Variants in TCF12 observed in about 807,000 individuals in gnomAD.
TCF12 encodes transcription factor 12, also known as DNA-binding protein HTF4.
A neutral mutation model predicts 86.0 loss-of-function variants in TCF12; 45 were observed. The observed-to-expected ratio is 0.52, with a 90% confidence interval of 0.41 to 0.67. The LOEUF (loss-of-function observed/expected upper bound fraction) is 0.67, where lower values mean the gene tolerates loss of function less well. Ranked by LOEUF, TCF12 falls within the 30% of genes least tolerant of loss-of-function variation. The probability of loss-of-function intolerance (pLI) is 0.00; values close to 1 mark genes in which losing one functional copy is unlikely to be tolerated. For missense variants in TCF12, 881 were observed against 859.9 expected (o/e 1.02, Z -0.31); for synonymous variants, 330 against 299.6 (o/e 1.10, Z -1.05).
At chr15:57,220,211 G>A (rs1328980889) in intron 8 of TCF12, among the ~76,000 whole-genome samples, 2 of 151,980 alleles carry the variant, frequency 1.3e-5, no homozygotes, top group Non-Finnish European at 2.9e-5. Flanking sequence ...TTATGTTTTC[G>A]TATATTGTGA....
chr15:57,121,195 G>T (rs543905014), intron 5 of TCF12, among the ~76,000 whole-genome samples: 1 of 152,294 alleles, frequency 6.6e-6, no homozygotes, highest in African/African-American at 2.4e-5. Context: ...AGAAACTGAG[G>T]TTCTTTCGCT....
intron 5 of TCF12, among the ~76,000 whole-genome samples, chr15:57,121,637 G>A (rs1487988149): frequency 6.6e-6 from 1 of 152,138 alleles, no homozygotes; most frequent in Non-Finnish European, 1.5e-5. Context: ...CTCAGAGGAG[G>A]CAGCAATAAA....
At chr15:57,199,070 A>G (rs2057408156) in intron 8 of TCF12, among the ~76,000 whole-genome samples, 1 of 152,168 alleles carries the variant, frequency 6.6e-6, no homozygotes, top group Admixed American at 6.5e-5. Flanking sequence ...CCTGCAGCCT[A>G]CCTGGAAGGT....
chr15:56,927,624 T>C (rs770722862), intron 3 of TCF12, among the ~76,000 whole-genome samples: 4 of 152,244 alleles, frequency 2.6e-5, no homozygotes, highest in African/African-American at 4.8e-5. Context: ...CTTTTTGATA[T>C]GATAAATAAT....
At chr15:56,990,032 T>A (rs1205334765) in intron 3 of TCF12, among the ~76,000 whole-genome samples, 1 of 152,204 alleles carries the variant, frequency 6.6e-6, no homozygotes, top group Non-Finnish European at 1.5e-5. Context: ...ATGAAATGTC[T>A]TACTTTTTCT....
chr15:56,943,660 G>GC (rs2060876730), intron 3 of TCF12, among the ~76,000 whole-genome samples: 1 of 152,178 alleles, frequency 6.6e-6, no homozygotes, highest in African/African-American at 2.4e-5. Context: ...AAATAATGCA[G>GC]CAATAGCTAG....
At chr15:57,250,504 G>A (rs999047701) in intron 13 of TCF12, among the ~76,000 whole-genome samples, 1 of 152,146 alleles carries the variant, frequency 6.6e-6, no homozygotes, top group African/African-American at 2.4e-5. Flanking sequence ...TGAGGCGGGT[G>A]GATCACTTAA....
At chr15:57,176,769 G>A (rs752593992) in intron 6 of TCF12, among the ~76,000 whole-genome samples, 6 of 152,150 alleles carry the variant, frequency 3.9e-5, no homozygotes, top group African/African-American at 9.7e-5. Context: ...TGGAAAAAAG[G>A]TCAAGATATT....
intron 13 of TCF12, chr15:57,248,219 A>T: frequency 4.7e-6 from 3 of 642,872 alleles, no homozygotes; most frequent in Non-Finnish European, 8.3e-6. Context: ...TGCAAGAGAA[A>T]TGGTGCCACC....
chr15:56,999,267 A>C (rs1168008287), intron 3 of TCF12, among the ~76,000 whole-genome samples: 1 of 152,082 alleles, frequency 6.6e-6, no homozygotes, highest in African/African-American at 2.4e-5. Context: ...GTAACAGGAG[A>C]ATCAATGAAT....
intron 3 of TCF12, among the ~76,000 whole-genome samples, chr15:57,020,995 A>G (rs536721616): frequency 1.6e-4 from 24 of 152,156 alleles, no homozygotes; most frequent in Non-Finnish European, 2.5e-4. Context: ...TTTAGACTTT[A>G]TGTATGTTAT....
intron 3 of TCF12, chr15:57,001,426 A>T (rs1315853427): frequency 5.6e-6 from 1 of 178,408 alleles, no homozygotes; most frequent in African/African-American, 2.4e-5. Flanking sequence ...TACTTACACC[A>T]CATTATTTTA....
chr15:56,938,912 T>TG (rs767191845), intron 3 of TCF12, among the ~76,000 whole-genome samples: 2 of 152,200 alleles, frequency 1.3e-5, no homozygotes, highest in Non-Finnish European at 2.9e-5. Flanking sequence ...TGTTCCCTGC[T>TG]GGGTATCAAA....
At chr15:56,960,542 A>C (rs567235297) in intron 3 of TCF12, among the ~76,000 whole-genome samples, 1 of 148,674 alleles carries the variant, frequency 6.7e-6, no homozygotes, top group East Asian at 2.0e-4. Context: ...TGATTCTCCC[A>C]CCTCAGCCTC....
At chr15:57,167,750 A>G (rs1231107219) in intron 6 of TCF12, among the ~76,000 whole-genome samples, 2 of 152,216 alleles carry the variant, frequency 1.3e-5, no homozygotes, top group Non-Finnish European at 2.9e-5. Context: ...TTACTGGACC[A>G]ACACTCAGAT....
At chr15:56,998,048 C>T (rs984867611) in intron 3 of TCF12, among the ~76,000 whole-genome samples, 1 of 152,056 alleles carries the variant, frequency 6.6e-6, no homozygotes, top group Non-Finnish European at 1.5e-5. Context: ...ATAGATGAAG[C>T]AAAATCTGAT....
At chr15:57,147,370 CT>C (rs1390709821) in intron 5 of TCF12, among the ~76,000 whole-genome samples, 1 of 152,046 alleles carries the variant, frequency 6.6e-6, no homozygotes, top group Admixed American at 6.6e-5. Flanking sequence ...TGTAAGATAT[CT>C]TTTGGGAACT....
intron 5 of TCF12, among the ~76,000 whole-genome samples, chr15:57,095,785 G>C (rs1165244363): frequency 2.6e-5 from 4 of 151,974 alleles, no homozygotes; most frequent in African/African-American, 9.7e-5. Flanking sequence ...TTTCTGATAG[G>C]GTAATGCTGG....
At chr15:57,204,172 G>A (rs1597294284) in intron 8 of TCF12, among the ~76,000 whole-genome samples, 1 of 152,246 alleles carries the variant, frequency 6.6e-6, no homozygotes, top group East Asian at 1.9e-4. Context: ...AGGCATAGTG[G>A]CTCACGTAAT....
Sources: allele counts gnomAD v4.1 joint callset (sites outside exome capture counted in the v4.1 genomes callset), GRCh38; gene constraint gnomAD v4.1.1; transcripts MANE v1.5; gene names NCBI Gene and HGNC (gene_info 2026-07-23, HGNC 2026-07-21).